Variants in CNTN5 observed in about 807,000 individuals in gnomAD.
CNTN5 encodes contactin-5.
CNTN5 carries 77 observed loss-of-function variants against 129.1 expected under a neutral mutation model. The observed-to-expected ratio is 0.60, with a 90% CI of 0.50 to 0.72. The LOEUF is 0.72. CNTN5 is among the 30% of genes least tolerant of loss of function. The pLI is 0.00. For synonymous variants in CNTN5, 509 were observed against 465.6 expected, an observed-to-expected ratio of 1.09 and a Z score of -1.20; for missense variants, 1,478 against 1,328.8, an observed-to-expected ratio of 1.11 and a Z score of -1.75.
chr11:99,147,062 ATATG>A (rs71463567), intron 1 of CNTN5, among the ~76,000 whole-genome samples: 17,991 of 152,190 alleles, frequency 0.12, 1,160 homozygotes, highest in Non-Finnish European at 0.15. Flanking sequence ...ATATTTTGTC[ATATG>A]TGAGATACTA....
chr11:99,556,262 T>C lies in CNTN5; in HGVS notation c.48T>C (p.Cys16=), dbSNP rs1280774662. ...TGCTGTTTCTGTCAGTCACCATGTG[T>C]CTTTCAGGTAAAAGTCCTGATTAAT... The part of the protein sequence containing the change: ...KLMLFLSVTM[C]LSEYSKSLPG... The change falls in exon 3 of 25, where the codon TGT becomes TGC. Residue 16 remains cysteine (C), a synonymous_variant. Transcript: ENST00000524871. 6.6e-7 allele frequency: 1 copy of C among 1,525,142 alleles called. No individual in the cohort carries two copies. Among genetic ancestry groups the C allele is most frequent in the African/African-American group, 1.4e-5 (1 of 72,634 alleles). The allele number at this position is 1,525,142 out of a possible 1,614,324, so 94.5% of individuals were successfully genotyped here. A position where few individuals can be genotyped will look rare whatever the true frequency, so the allele number is the denominator to read the frequency against.
At chr11:99,557,591 G>T (rs937562694) in intron 3 of CNTN5, among the ~76,000 whole-genome samples, 4 of 151,336 alleles carry the variant, frequency 2.6e-5, no homozygotes, top group Non-Finnish European at 3.0e-5. Context: ...ACTCTTTTTA[G>T]AATCATTTAA....
chr11:99,837,684 T>TAA lies in CNTN5; in HGVS notation c.278-7149_278-7148dup, dbSNP rs34378760. Among the ~76,000 whole-genome samples, 1,037 of 112,554 alleles carry TAA rather than the reference T, an allele frequency of 9.2e-3. 9 individuals carry two copies. The highest frequency in any genetic ancestry group is 0.016 in the East Asian group (62 of 3,804). 73.8% of individuals were successfully genotyped at this position (112,554 alleles called of 152,430 possible). A position where few individuals can be genotyped will look rare whatever the true frequency, so the allele number is the denominator to read the frequency against. ...CTAGCCAGTACTTGCCACACATGAG[T>TAA]AAAAAAAAAAAAAAAAAAAACCTAT... On this transcript the variant is annotated intron_variant, in intron 4 of 24. Transcript: ENST00000524871.
At chr11:99,343,864 T>G (rs1037227280) in intron 2 of CNTN5, among the ~76,000 whole-genome samples, 1 of 152,100 alleles carries the variant, frequency 6.6e-6, no homozygotes, top group Non-Finnish European at 1.5e-5. Context: ...AATGTGTAAT[T>G]ACATAGAGTG....
intron 8 of CNTN5, among the ~76,000 whole-genome samples, chr11:99,998,244 A>G (rs557167152): frequency 2.9e-3 from 443 of 152,234 alleles, no homozygotes; most frequent in Non-Finnish European, 4.6e-3. Flanking sequence ...ATGATTGCAC[A>G]TCCAGAAAAC....
At chr11:100,302,847 T>C (rs1274383356) in intron 20 of CNTN5, among the ~76,000 whole-genome samples, 1 of 151,632 alleles carries the variant, frequency 6.6e-6, no homozygotes, top group Non-Finnish European at 1.5e-5. Flanking sequence ...AGAATGCAAA[T>C]AAAATTAATT....
chr11:99,532,963 C>T (rs967744197), intron 2 of CNTN5, among the ~76,000 whole-genome samples: 2 of 152,216 alleles, frequency 1.3e-5, no homozygotes, highest in Admixed American at 6.5e-5. Flanking sequence ...TGGCTCATGC[C>T]TGTAATCCCA....
At chr11:99,472,033 G>A (rs1208947771) in intron 2 of CNTN5, among the ~76,000 whole-genome samples, 1 of 152,072 alleles carries the variant, frequency 6.6e-6, no homozygotes, top group Non-Finnish European at 1.5e-5. Flanking sequence ...TAAAATAGTA[G>A]TATATAGGTA....
At chr11:99,452,814 G>T (rs1944357888) in intron 2 of CNTN5, among the ~76,000 whole-genome samples, 1 of 152,128 alleles carries the variant, frequency 6.6e-6, no homozygotes, top group South Asian at 2.1e-4. Context: ...CAAATAAAAA[G>T]ACTGGGTCAA....
chr11:99,577,116 C>G (rs1214278094), intron 3 of CNTN5, among the ~76,000 whole-genome samples: 1 of 151,900 alleles, frequency 6.6e-6, no homozygotes, highest in Non-Finnish European at 1.5e-5. Flanking sequence ...TAATTCACAC[C>G]AAAAGACTTC....
chr11:99,978,121 CTT>C (rs550634126), intron 8 of CNTN5, among the ~76,000 whole-genome samples: 3 of 151,824 alleles, frequency 2.0e-5, no homozygotes, highest in Non-Finnish European at 2.9e-5. Context: ...TGTGTTGTGT[CTT>C]TATTTTTAAC....
chr11:99,965,170 C>T (rs1951060941), intron 8 of CNTN5, among the ~76,000 whole-genome samples: 1 of 152,110 alleles, frequency 6.6e-6, no homozygotes, highest in Non-Finnish European at 1.5e-5. Flanking sequence ...TTTAATTCTG[C>T]TCTGATCTTA....
intron 24 of CNTN5, among the ~76,000 whole-genome samples, chr11:100,355,381 G>C (rs1229230707): frequency 6.6e-6 from 1 of 151,626 alleles, no homozygotes; most frequent in Non-Finnish European, 1.5e-5. Context: ...TGATAATAAT[G>C]CCGCCTTCTG....
chr11:99,792,490 T>A (rs1945780122), intron 3 of CNTN5, among the ~76,000 whole-genome samples: 1 of 151,896 alleles, frequency 6.6e-6, no homozygotes, highest in Non-Finnish European at 1.5e-5. Flanking sequence ...TAGTATTTTG[T>A]TGAGAATTTT....
intron 3 of CNTN5, among the ~76,000 whole-genome samples, chr11:99,567,971 A>C (rs997280816): frequency 6.6e-6 from 1 of 152,212 alleles, no homozygotes; most frequent in Non-Finnish European, 1.5e-5. Flanking sequence ...GGTGATATAA[A>C]ATTAAACTAT....
intron 13 of CNTN5, among the ~76,000 whole-genome samples, chr11:100,111,749 C>T (rs1945664411): frequency 6.6e-6 from 1 of 152,116 alleles, no homozygotes; most frequent in African/African-American, 2.4e-5. Context: ...AGATCTCATT[C>T]ATCTTAACCG....
intron 3 of CNTN5, among the ~76,000 whole-genome samples, chr11:99,710,352 A>G (rs1483730134): frequency 6.6e-6 from 1 of 151,632 alleles, no homozygotes; most frequent in Non-Finnish European, 1.5e-5. Flanking sequence ...CTTTCTACAA[A>G]CCCTTTTGTT....
intron 15 of CNTN5, among the ~76,000 whole-genome samples, chr11:100,224,282 AT>A (rs1353978139): frequency 6.6e-6 from 1 of 152,088 alleles, no homozygotes; most frequent in Non-Finnish European, 1.5e-5. Context: ...TAATATTTTG[AT>A]TGCTATCTTT....
At chr11:99,172,433 C>T (rs910042111) in intron 1 of CNTN5, among the ~76,000 whole-genome samples, 1 of 152,052 alleles carries the variant, frequency 6.6e-6, no homozygotes, top group South Asian at 2.1e-4. Flanking sequence ...ATGTATTGCA[C>T]CTTTTGATGA....
Sources: allele counts gnomAD v4.1 joint callset (sites outside exome capture counted in the v4.1 genomes callset), GRCh38; gene constraint gnomAD v4.1.1; transcripts MANE v1.5; gene names NCBI Gene and HGNC (gene_info 2026-07-23, HGNC 2026-07-21).